The following MYRIP variants were observed in gnomAD, a reference collection of about 807,000 sequenced individuals.
MYRIP encodes the protein myosin VIIA and Rab interacting protein.
A neutral mutation model predicts 98.0 loss-of-function variants in MYRIP; 49 were observed. That is an observed-to-expected ratio of 0.50 (90% confidence interval 0.40 to 0.63). MYRIP has a LOEUF of 0.63. Ranked by LOEUF, MYRIP falls within the 30% of genes least tolerant of loss-of-function variation. The pLI, the probability that MYRIP is intolerant of heterozygous loss-of-function variation, is 0.00. For synonymous variants in MYRIP, 404 were observed against 409.5 expected (o/e 0.99, Z 0.16); for missense variants, 1,004 against 1,058.2 (o/e 0.95, Z 0.71).
intron 11 of MYRIP, among the ~76,000 whole-genome samples, chr3:40,216,172 G>C (rs1202351091): frequency 6.6e-6 from 1 of 152,154 alleles, no homozygotes; most frequent in Non-Finnish European, 1.5e-5. Context: ...GCATTACCTG[G>C]AAGGCCAGGA....
intron 1 of MYRIP, among the ~76,000 whole-genome samples, chr3:39,874,545 T>C (rs577797022): frequency 2.6e-5 from 4 of 152,244 alleles, no homozygotes; most frequent in South Asian, 4.1e-4. Context: ...GAGTTTTTAG[T>C]ATGAAGGGTT....
intron 1 of MYRIP, among the ~76,000 whole-genome samples, chr3:39,827,040 G>A (rs1282647838): frequency 5.3e-5 from 8 of 152,100 alleles, no homozygotes; most frequent in Non-Finnish European, 1.0e-4. Context: ...TTCAGTCTAT[G>A]GGTGTCTTTC....
At chr3:40,197,556 T>C (rs1340745528) in intron 10 of MYRIP, among the ~76,000 whole-genome samples, 1 of 152,272 alleles carries the variant, frequency 6.6e-6, no homozygotes, top group African/African-American at 2.4e-5. Context: ...AGACTTCAAA[T>C]GCAGGTCTAT....
In MYRIP at chr3:40,190,107, G is replaced by A. The variant is rs2125629726; in HGVS notation, c.1309G>A (p.Ala437Thr). 1 of 1,613,974 alleles carries A rather than the reference G, an allele frequency of 6.2e-7. No homozygotes were observed. Among genetic ancestry groups the A allele is most frequent in the Non-Finnish European group, 8.5e-7 (1 of 1,179,938 alleles). ...CCAGAGCTCTGACCAAGGCCCCATA[G>A]CTGCCTCCCCATCCTCTGCACTCTC... Reference protein sequence around the residue: ...QAQSSDQGPIAASPSSALSPN... With the variant: ...QAQSSDQGPITASPSSALSPN... The change falls in exon 10 of 17, where the codon GCT (alanine) becomes ACT (threonine). Residue 437 changes from alanine to threonine, a missense_variant. Physicochemically the swap from Ala to Thr is moderately conservative, Grantham distance 58. Transcript: ENST00000302541.
chr3:40,137,426 T>C (rs1949803527), intron 3 of MYRIP, among the ~76,000 whole-genome samples: 1 of 152,122 alleles, frequency 6.6e-6, no homozygotes, highest in Non-Finnish European at 1.5e-5. Context: ...CAGGACCAGA[T>C]GGATTCACAG....
intron 10 of MYRIP, among the ~76,000 whole-genome samples, chr3:40,197,839 A>G (rs1409381856): frequency 6.6e-6 from 1 of 152,174 alleles, no homozygotes; most frequent in Non-Finnish European, 1.5e-5. Flanking sequence ...TTTTCCTGTT[A>G]GCAGTTCTTA....
At chr3:40,072,026 G>A (rs1381100621) in intron 3 of MYRIP, among the ~76,000 whole-genome samples, 1 of 151,980 alleles carries the variant, frequency 6.6e-6, no homozygotes, top group Admixed American at 6.6e-5. Flanking sequence ...CAAAGTCTGT[G>A]GTGCTTGTTT....
intron 9 of MYRIP, among the ~76,000 whole-genome samples, chr3:40,186,977 A>G (rs1951052950): frequency 6.6e-6 from 1 of 152,222 alleles, no homozygotes; most frequent in South Asian, 2.1e-4. Context: ...AATGCTAGCA[A>G]GCCACTCTTC....
Position 39,890,470 on chromosome 3 carries a change from A to G in MYRIP, c.-30-10317A>G, listed in dbSNP as rs188836356. The stretch of plus-strand genomic sequence containing the variant: ...GTTCCAGTAAGTCTTATAATGAGAG[A>G]TCTTCTCCTGTTGTTTTACTTTTGT... On this transcript the variant is annotated intron_variant, in intron 1 of 16. Coordinates refer to ENST00000302541, the MANE Select transcript of MYRIP (RefSeq NM_015460.4). Among the ~76,000 whole-genome samples, 81 of 152,058 alleles carry G rather than the reference A, an allele frequency of 5.3e-4. 1 individual carries two copies. Among genetic ancestry groups the G allele is most frequent in the South Asian group, 1.5e-3 (7 of 4,810 alleles).
chr3:40,023,459 G>A (rs1189492288), intron 2 of MYRIP, among the ~76,000 whole-genome samples: 6 of 152,252 alleles, frequency 3.9e-5, no homozygotes, highest in South Asian at 4.1e-4. Flanking sequence ...GGAAGAGGAG[G>A]AAAGAGTGTT....
rs199718064 is a variant in MYRIP, at chr3:40,190,263, C to A, written c.1465C>A (p.Arg489Ser). The change falls in exon 10 of 17, where the codon CGC becomes AGC. Residue 489 changes from arginine to serine, a missense_variant. Physicochemically the swap from Arg to Ser is moderately radical, Grantham distance 110. Coordinates refer to ENST00000302541, the MANE Select transcript of MYRIP (RefSeq NM_015460.4). ...APRNPAAEKM[R>S]LHGELDVNFN... ...CAGGAACCCTGCAGCTGAGAAGATG[C>A]GCTTGCATGGAGAGCTGGACGTGAA... The A allele has an allele frequency of 6.2e-6, 10 of 1,614,032 alleles. No individual in the cohort carries two copies. Among genetic ancestry groups the A allele is most frequent in the Middle Eastern group, 1.6e-4 (1 of 6,062 alleles).
Position 40,251,944 on chromosome 3 carries a change from A to G in MYRIP, c.2492A>G (p.Gln831Arg). 6.2e-7 allele frequency: 1 copy of G among 1,613,898 alleles called. No homozygotes were observed. The highest frequency in any genetic ancestry group is 1.1e-5 in the South Asian group (1 of 91,070). ...ACATTTAACCACAACTTCATTCTCC[A>G]AGGCTCCTCAACAAACAGGACTAAG... ...IKTFNHNFIL[Q>R]GSSTNRTKER... is the part of the protein sequence containing the mutation. Residue 831 changes from glutamine (Q) to arginine (R), a missense_variant, in exon 16 of 17, where the codon CAA becomes CGA. Coordinates refer to ENST00000302541, the MANE Select transcript of MYRIP (RefSeq NM_015460.4).
intron 2 of MYRIP, among the ~76,000 whole-genome samples, chr3:39,929,646 A>G (rs1211532930): frequency 6.6e-6 from 1 of 152,058 alleles, no homozygotes; most frequent in African/African-American, 2.4e-5. Context: ...AAAGTGTAAA[A>G]TTCAGTGGTT....
chr3:40,184,001 C>T (rs1371666391), intron 9 of MYRIP, among the ~76,000 whole-genome samples: 3 of 152,178 alleles, frequency 2.0e-5, no homozygotes, highest in Admixed American at 6.5e-5. Flanking sequence ...CCTTTTAGTA[C>T]CTATTAGTAG....
At chr3:39,877,874 G>T (rs929396631) in intron 1 of MYRIP, among the ~76,000 whole-genome samples, 1 of 152,224 alleles carries the variant, frequency 6.6e-6, no homozygotes, top group Non-Finnish European at 1.5e-5. Context: ...TCTCTTCAAA[G>T]CTGTCAGACA....
chr3:40,161,507 C>G (rs1950394873), intron 4 of MYRIP, among the ~76,000 whole-genome samples: 1 of 152,166 alleles, frequency 6.6e-6, no homozygotes, highest in Non-Finnish European at 1.5e-5. Context: ...GCAGAGGGAG[C>G]ACTGTCTCCC....
intron 2 of MYRIP, among the ~76,000 whole-genome samples, chr3:39,986,352 C>T (rs532282676): frequency 1.3e-5 from 2 of 152,120 alleles, no homozygotes; most frequent in South Asian, 4.1e-4. Context: ...TGTATTTTTA[C>T]ATTTATATAT....
chr3:40,117,523 A>ATGTCCAG (rs1949310360), intron 3 of MYRIP, among the ~76,000 whole-genome samples: 1 of 152,162 alleles, frequency 6.6e-6, no homozygotes, highest in Admixed American at 6.5e-5. Context: ...TTCACTACTC[A>ATGTCCAG]TGTCCAGTGT....
At chr3:39,902,483 C>G (rs1432848041) in intron 2 of MYRIP, among the ~76,000 whole-genome samples, 1 of 152,140 alleles carries the variant, frequency 6.6e-6, no homozygotes, top group Non-Finnish European at 1.5e-5. Context: ...TGGAAAGAAC[C>G]ATGTCTTGAT....
Sources: gnomAD v4.1 joint callset for allele counts (sites outside exome capture counted in the v4.1 genomes callset) on GRCh38, gnomAD v4.1.1 for gene constraint, MANE v1.5 for transcripts, NCBI Gene and HGNC (gene_info 2026-07-23, HGNC 2026-07-21) for gene names.